Variants in LNPEP observed in about 807,000 individuals in gnomAD.
LNPEP encodes leucyl and cystinyl aminopeptidase.
LNPEP carries 64 observed loss-of-function variants against 120.6 expected under a neutral mutation model. That is an observed-to-expected ratio of 0.53 (90% CI 0.43 to 0.65). LNPEP has a LOEUF of 0.65. Ranked by LOEUF, LNPEP falls within the 30% of genes least tolerant of loss-of-function variation. The pLI, the probability that LNPEP is intolerant of heterozygous loss-of-function variation, is 0.00. For missense variants in LNPEP, 1,057 were observed against 1,200.0 expected, an observed-to-expected ratio of 0.88 and a Z score of 1.76; for synonymous variants, 435 against 425.4, an observed-to-expected ratio of 1.02 and a Z score of -0.28.
At chr5:96,948,914 C>G (rs1789256329) in intron 1 of LNPEP, among the ~76,000 whole-genome samples, 1 of 152,154 alleles carries the variant, frequency 6.6e-6, no homozygotes, top group African/African-American at 2.4e-5. Context: ...CAAATCCTGG[C>G]TCTTTATTCA....
At chr5:97,012,960 T>G (rs1790975283) in intron 11 of LNPEP, among the ~76,000 whole-genome samples, 1 of 152,188 alleles carries the variant, frequency 6.6e-6, no homozygotes, top group Middle Eastern at 3.2e-3. Flanking sequence ...ATGGCTTTGT[T>G]TGTTCTTCCT....
rs994430220 is a variant in LNPEP, at chr5:96,962,793, TC to T, written c.20-16344del. ...TTCTTAATTACTCTGCTGTGCCGTC[TC>T]TTTATTGCTTAGCTGGGTATTAGCA... On this transcript the variant is annotated intron_variant, in intron 1 of 17. Coordinates refer to ENST00000231368, the MANE Select transcript of LNPEP (RefSeq NM_005575.3). The T allele has an allele frequency of 2.0e-5, 3 of 152,198 alleles. No individual in the cohort carries two copies. The East Asian group carries it at 5.8e-4, about 29-fold the overall frequency. The allele number at this position is 152,198 out of a possible 1,614,324, so 9.4% of individuals were successfully genotyped here. A position where few individuals can be genotyped will look rare whatever the true frequency, so the allele number is the denominator to read the frequency against.
chr5:97,015,096 G>C lies in LNPEP; in HGVS notation c.2376+1G>C. 1 of 1,530,258 alleles carries C rather than the reference G, an allele frequency of 6.5e-7. No individual in the cohort carries two copies. The highest frequency in any genetic ancestry group is 8.8e-7 in the Non-Finnish European group (1 of 1,142,022). The allele number at this position is 1,530,258 out of a possible 1,614,324, so 94.8% of individuals were successfully genotyped here. A position where few individuals can be genotyped will look rare whatever the true frequency, so the allele number is the denominator to read the frequency against. On this transcript the variant is annotated splice_donor_variant, in intron 13 of 17. Transcript: ENST00000231368. LOFTEE classifies it high-confidence loss of function. ...CATGGATCTGGCCTCAAGACTGGTG[G>C]TAAGTCTGCCTTTTTGCCAGCTTCT...
chr5:97,011,210 G>C lies in LNPEP; in HGVS notation c.2036-2438G>C, dbSNP rs1292043246. On this transcript the variant is annotated intron_variant, in intron 11 of 17. Transcript: ENST00000231368. The stretch of plus-strand genomic sequence containing the variant: ...TGGGTCTCTGTAGCCCTTCTTTCTG[G>C]GGTTGTTTCTTTTCTTTACGTTTGT... 9 of 984,746 alleles carry C rather than the reference G, an allele frequency of 9.1e-6. No individual in the cohort carries two copies. The African/African-American group carries it at 1.6e-4, about 17-fold the overall frequency. 61.0% of individuals were successfully genotyped at this position (984,746 alleles called of 1,614,324 possible).
At chr5:97,026,217 C>T (rs1791336084) in intron 15 of LNPEP, among the ~76,000 whole-genome samples, 1 of 152,064 alleles carries the variant, frequency 6.6e-6, no homozygotes, top group South Asian at 2.1e-4. Flanking sequence ...TGAAATGTAT[C>T]CTAATTTTCA....
chr5:96,966,245 C>A (rs1469649286), intron 1 of LNPEP, among the ~76,000 whole-genome samples: 1 of 152,004 alleles, frequency 6.6e-6, no homozygotes, highest in Non-Finnish European at 1.5e-5. Context: ...ACCTGTAATT[C>A]AAGCACTTTG....
intron 1 of LNPEP, among the ~76,000 whole-genome samples, chr5:96,951,411 C>T (rs536653167): frequency 2.4e-4 from 36 of 152,142 alleles, no homozygotes; most frequent in Non-Finnish European, 4.9e-4. Context: ...GGCGCCCACA[C>T]CACGCCTGGC....
chr5:96,941,151 C>T (rs1789042447), intron 1 of LNPEP, among the ~76,000 whole-genome samples: 1 of 152,180 alleles, frequency 6.6e-6, no homozygotes, highest in Non-Finnish European at 1.5e-5. Context: ...AAAAGGAGCA[C>T]ACAACCTAGA....
At chr5:97,000,614 A>G (rs1319341758) in intron 8 of LNPEP, among the ~76,000 whole-genome samples, 1 of 152,212 alleles carries the variant, frequency 6.6e-6, no homozygotes, top group Non-Finnish European at 1.5e-5. Context: ...TCCGTGGTAG[A>G]TGGCATTTCA....
In LNPEP at chr5:97,008,502, C is replaced by G. The variant is rs552636556; in HGVS notation, c.2035+1987C>G. Among the ~76,000 whole-genome samples the G allele has an allele frequency of 1.2e-3, 179 of 150,748 alleles. 2 individuals are homozygous for G. Among genetic ancestry groups the G allele is most frequent in the Non-Finnish European group, 3.8e-4 (26 of 67,656 alleles). On this transcript the variant is annotated intron_variant, in intron 11 of 17. Coordinates refer to ENST00000231368, the MANE Select transcript of LNPEP (RefSeq NM_005575.3). ...AGAAGTTAGGACCACAGGCATGTATCACCATGCTTGGCTTAATTTTTGTAT... is the reference window on the plus strand; with the variant it reads ...AGAAGTTAGGACCACAGGCATGTATGACCATGCTTGGCTTAATTTTTGTAT...
At chr5:96,972,585 A>T (rs773684198) in intron 1 of LNPEP, among the ~76,000 whole-genome samples, 2 of 151,990 alleles carry the variant, frequency 1.3e-5, no homozygotes, top group African/African-American at 4.8e-5. Context: ...CTCTGCTTAG[A>T]CCCTAGCTTG....
intron 13 of LNPEP, among the ~76,000 whole-genome samples, chr5:97,019,187 G>A (rs1341870542): frequency 6.6e-6 from 1 of 152,046 alleles, no homozygotes; most frequent in Non-Finnish European, 1.5e-5. Context: ...TACAAATCCA[G>A]TGTTTGTAGC....
intron 1 of LNPEP, among the ~76,000 whole-genome samples, chr5:96,954,727 T>TATATATACATATATA (rs1561430106): frequency 9.3e-6 from 1 of 107,612 alleles, no homozygotes; most frequent in Middle Eastern, 4.0e-3. Context: ...TATATACATA[T>TATATATACATATATA]ATATATACAT....
Position 97,022,497 on chromosome 5 carries a change from T to C in LNPEP, c.2561+13T>C. 6.3e-7 allele frequency: 1 copy of C among 1,590,272 alleles called. No homozygotes were observed. On this transcript the variant is annotated intron_variant, in intron 14 of 17. Coordinates refer to ENST00000231368, the MANE Select transcript of LNPEP (RefSeq NM_005575.3). ...ATGGAACTCAAAGGTGAAGTATACCTCTACTCAGATGAATTATCTTCTTTT... is the reference window on the plus strand; with the variant it reads ...ATGGAACTCAAAGGTGAAGTATACCCCTACTCAGATGAATTATCTTCTTTT...
Position 97,022,353 on chromosome 5 carries a change from T to C in LNPEP, c.2430T>C (p.Asp810=). ...AAATTCAACAACAAACTTGGACTGA[T>C]GAGGGCACTCCATCTATGCGAGAGC... ...QNQIQQQTWT[D]EGTPSMRELR... Residue 810 remains aspartate, a synonymous_variant, in exon 14 of 18, where the codon GAT becomes GAC. Transcript: ENST00000231368. The C allele has an allele frequency of 6.2e-7, 1 of 1,613,826 alleles. No homozygotes were observed.
intron 1 of LNPEP, among the ~76,000 whole-genome samples, chr5:96,973,012 T>C (rs1789906550): frequency 6.6e-6 from 1 of 152,114 alleles, no homozygotes; most frequent in African/African-American, 2.4e-5. Context: ...AAAGTAGTAA[T>C]GCATGCGGGA....
chr5:97,010,079 A>G (rs188800089), intron 11 of LNPEP, among the ~76,000 whole-genome samples: 1 of 152,264 alleles, frequency 6.6e-6, no homozygotes, highest in Admixed American at 6.5e-5. Context: ...TCTCACATAC[A>G]TGAGTTTTGA....
At chr5:97,010,763 A>G (rs1419234581) in intron 11 of LNPEP, 3 of 985,262 alleles carry the variant, frequency 3.0e-6, no homozygotes, top group Non-Finnish European at 3.6e-6. Flanking sequence ...GTTGATGACT[A>G]TAGTAAATTA....
intron 1 of LNPEP, chr5:96,962,572 A>G (rs922065503): frequency 6.6e-6 from 1 of 152,094 alleles, no homozygotes; most frequent in African/African-American, 2.4e-5. Context: ...TAACTTGCTT[A>G]AGGCTACACA....
Sources: gnomAD v4.1 joint callset for allele counts (sites outside exome capture counted in the v4.1 genomes callset) on GRCh38, gnomAD v4.1.1 for gene constraint, MANE v1.5 for transcripts, NCBI Gene and HGNC (gene_info 2026-07-23, HGNC 2026-07-21) for gene names.